Variants in PRDM16 observed in about 807,000 individuals in gnomAD.
PRDM16 encodes the protein histone-lysine N-methyltransferase PRDM16.
In PRDM16, 23 loss-of-function variants were observed where a neutral mutation model predicts 110.6. The observed-to-expected ratio is 0.21, with a 90% CI of 0.15 to 0.29. The LOEUF is 0.29. Ranked by LOEUF, PRDM16 falls within the 10% of genes least tolerant of loss-of-function variation. The probability of loss-of-function intolerance (pLI) is 1.00; values close to 1 mark genes in which losing one functional copy is unlikely to be tolerated. For missense variants in PRDM16, 1,615 were observed against 1,794.3 expected (o/e 0.90, Z 1.81); for synonymous variants, 799 against 781.8 (o/e 1.02, Z -0.37).
intron 3 of PRDM16, among the ~76,000 whole-genome samples, chr1:3,366,416 G>A (rs1051346532): frequency 3.3e-5 from 5 of 152,180 alleles, no homozygotes; most frequent in Non-Finnish European, 5.9e-5. Flanking sequence ...GCCTGTTCGC[G>A]CTCAGTATGC....
intron 11 of PRDM16, 22 bp from the exon 12 acceptor site, chr1:3,418,644 CT>C: frequency 3.8e-6 from 6 of 1,569,606 alleles, no homozygotes; most frequent in Non-Finnish European, 5.3e-6. Context: ...CTCCCTCACC[CT>C]CCCCACCTCC....
At chr1:3,261,126 A>AG (rs1221771088) in intron 3 of PRDM16, among the ~76,000 whole-genome samples, 2 of 52,364 alleles carry the variant, frequency 3.8e-5, no homozygotes, top group Non-Finnish European at 7.6e-5. Flanking sequence ...GGCATTAACA[A>AG]GAAAAAAAAA....
intron 1 of PRDM16, among the ~76,000 whole-genome samples, chr1:3,181,914 A>AGTCTTACACATG (rs949512338): frequency 9.5e-6 from 1 of 105,762 alleles, no homozygotes; most frequent in Non-Finnish European, 2.2e-5. Context: ...TTACACACGC[A>AGTCTTACACATG]GTCTTACACA....
chr1:3,415,025 G>A lies in PRDM16; in HGVS notation c.2691+378G>A, dbSNP rs1199689862. On this transcript the variant is annotated intron_variant, in intron 10 of 16. Coordinates refer to ENST00000270722, the MANE Select transcript of PRDM16 (RefSeq NM_022114.4). ...GACACAGCGTGGGCGCTCTCTCTGG[G>A]GTGCACAGGACCTGAGTATGTTCAA... is the stretch of plus-strand genomic sequence containing the variant. Among the ~76,000 whole-genome samples the A allele has an allele frequency of 7.9e-5, 12 of 152,332 alleles. No homozygotes were observed. In the South Asian group the frequency reaches 2.5e-3, roughly 32 times the overall value.
intron 3 of PRDM16, among the ~76,000 whole-genome samples, chr1:3,263,621 G>A (rs1034148878): frequency 7.9e-5 from 12 of 152,342 alleles, no homozygotes; most frequent in East Asian, 3.9e-4. Flanking sequence ...CCATATGTCC[G>A]GGCCACAGCT....
intron 1 of PRDM16, among the ~76,000 whole-genome samples, chr1:3,089,133 A>G (rs1642216351): frequency 6.6e-6 from 1 of 152,118 alleles, no homozygotes; most frequent in Admixed American, 6.5e-5. Context: ...TTGTCGCCCC[A>G]CCTGTCCTCA....
chr1:3,242,097 A>G (rs1014675646), intron 2 of PRDM16, among the ~76,000 whole-genome samples: 12 of 152,170 alleles, frequency 7.9e-5, no homozygotes, highest in African/African-American at 2.9e-4. Flanking sequence ...CCCAGAGGCC[A>G]CCAAATGCTC....
At chr1:3,116,301 G>A (rs368908533) in intron 1 of PRDM16, among the ~76,000 whole-genome samples, 9 of 152,242 alleles carry the variant, frequency 5.9e-5, no homozygotes, top group Non-Finnish European at 1.2e-4. Context: ...GCCCTGCGCC[G>A]GCGTGCTCAC....
intron 3 of PRDM16, among the ~76,000 whole-genome samples, chr1:3,319,612 C>A (rs181748838): frequency 6.6e-6 from 1 of 152,122 alleles, no homozygotes; most frequent in South Asian, 2.1e-4. Flanking sequence ...GGAAGGAGAG[C>A]GTGGAGGCGT....
At chr1:3,187,870 G>A (rs1408694750) in intron 2 of PRDM16, among the ~76,000 whole-genome samples, 11 of 152,182 alleles carry the variant, frequency 7.2e-5, no homozygotes, top group Admixed American at 5.9e-4. Flanking sequence ...AGAAACGTGC[G>A]GCAGAGTCTG....
chr1:3,200,183 C>T (rs2100825472), intron 2 of PRDM16, among the ~76,000 whole-genome samples: 1 of 152,340 alleles, frequency 6.6e-6, no homozygotes, highest in South Asian at 2.1e-4. Context: ...ACTCTCCTCA[C>T]AGCCGCTGAG....
intron 1 of PRDM16, among the ~76,000 whole-genome samples, chr1:3,104,273 A>T (rs561351657): frequency 4.5e-4 from 69 of 152,328 alleles, no homozygotes; most frequent in African/African-American, 1.6e-3. Context: ...GTCAGGGCTA[A>T]GCAGAGGCAG....
At chr1:3,372,512 T>G (rs1188509000) in intron 3 of PRDM16, among the ~76,000 whole-genome samples, 1 of 152,228 alleles carries the variant, frequency 6.6e-6, no homozygotes. Context: ...GTGGGCGACC[T>G]GGGCTCCCGC....
intron 1 of PRDM16, among the ~76,000 whole-genome samples, chr1:3,176,639 A>C (rs906128162): frequency 2.7e-5 from 4 of 147,550 alleles, no homozygotes; most frequent in African/African-American, 5.1e-5. Flanking sequence ...CCATGTACCC[A>C]TCTATCCCCT....
intron 3 of PRDM16, among the ~76,000 whole-genome samples, chr1:3,250,208 G>A (rs549932473): frequency 6.7e-5 from 10 of 149,784 alleles, no homozygotes; most frequent in African/African-American, 2.2e-4. Flanking sequence ...GCTCCAGTCC[G>A]CAGGGCAGAA....
At chr1:3,247,457 A>G (rs1165385068) in intron 3 of PRDM16, among the ~76,000 whole-genome samples, 1 of 152,176 alleles carries the variant, frequency 6.6e-6, no homozygotes, top group Non-Finnish European at 1.5e-5. Flanking sequence ...CGAACTCAGG[A>G]CTGTGGCGCG....
chr1:3,310,191 G>C (rs1480358529), intron 3 of PRDM16: 1 of 152,256 alleles, frequency 6.6e-6, no homozygotes, highest in Non-Finnish European at 1.5e-5. Context: ...TGTACGATGG[G>C]TATCATGGTG....
At chr1:3,424,178 G>A (rs1045546878) in intron 12 of PRDM16, among the ~76,000 whole-genome samples, 1 of 152,202 alleles carries the variant, frequency 6.6e-6, no homozygotes, top group African/African-American at 2.4e-5. Flanking sequence ...AGAGCTCATG[G>A]GGTTCCTCCT....
intron 3 of PRDM16, among the ~76,000 whole-genome samples, chr1:3,271,717 G>A (rs759813976): frequency 4.4e-4 from 67 of 152,172 alleles, no homozygotes; most frequent in Non-Finnish European, 8.4e-4. Context: ...GGCACCTGGT[G>A]GCAGGAAAAG....
Sources: allele counts gnomAD v4.1 joint callset (sites outside exome capture counted in the v4.1 genomes callset), GRCh38; gene constraint gnomAD v4.1.1; transcripts MANE v1.5; gene names NCBI Gene and HGNC (gene_info 2026-07-23, HGNC 2026-07-21).